MBD5: variants seen among roughly 807,000 people sequenced by gnomAD.
MBD5 encodes methyl-CpG-binding domain protein 5.
In MBD5, 13 loss-of-function variants were observed where a neutral mutation model predicts 117.3. The ratio of observed to expected loss-of-function variants is 0.11; its 90% CI spans 0.07 to 0.18. The LOEUF is 0.18. Among genes scored for constraint, MBD5 ranks in the 10% least tolerant of loss-of-function variants. MBD5 has a pLI of 1.00. For missense variants in MBD5, 1,879 were observed against 2,093.8 expected (o/e 0.90, Z 2.00); for synonymous variants, 727 against 766.4 (o/e 0.95, Z 0.85).
rs1694545395 is a variant in MBD5 at position 148,046,719 on chromosome 2, G to GT, written c.-925+25036dup. 5.9e-5 allele frequency among the ~76,000 whole-genome samples: 9 copies of GT among 152,226 alleles called. No homozygotes were observed. In the South Asian group the frequency reaches 1.9e-3, roughly 32 times the overall value. ...TTCATTCCTTGACTAGAGAATGGTA[G>GT]TAAGTAATCTCCTTAGCTAATTAAT... On this transcript the variant is annotated intron_variant, in intron 1 of 13. Transcript: ENST00000642680.
chr2:148,315,650 A>G (rs1702140718), intron 3 of MBD5, among the ~76,000 whole-genome samples: 1 of 152,018 alleles, frequency 6.6e-6, no homozygotes, highest in Admixed American at 6.6e-5. Context: ...CATCTTATAT[A>G]TTGCTGTTTC....
chr2:148,487,448 G>A lies in MBD5; in HGVS notation c.3753+1498G>A, dbSNP rs191575402. Among the ~76,000 whole-genome samples, 344 of 152,258 alleles carry A rather than the reference G, an allele frequency of 2.3e-3. 1 individual carries two copies. Among genetic ancestry groups the A allele is most frequent in the African/African-American group, 7.9e-3 (328 of 41,552 alleles). ...TTAGGGTAAGAAACTGAGTTTCAGCGAGAAGTAATGATGAAGAAAACTTGT... is the reference window on the plus strand; with the variant it reads ...TTAGGGTAAGAAACTGAGTTTCAGCAAGAAGTAATGATGAAGAAAACTTGT... On this transcript the variant is annotated intron_variant, in intron 10 of 13. Coordinates refer to ENST00000642680, the MANE Select transcript of MBD5 (RefSeq NM_001378120.1).
intron 13 of MBD5, 36 bp from the exon 14 acceptor site, chr2:148,512,834 G>A (rs902242494): frequency 2.7e-5 from 43 of 1,568,620 alleles, no homozygotes; most frequent in Non-Finnish European, 3.4e-5. Context: ...TTCATCCTCT[G>A]TTGTTGTTGT....
At chr2:148,323,249 T>C (rs1702339922) in intron 3 of MBD5, among the ~76,000 whole-genome samples, 1 of 152,228 alleles carries the variant, frequency 6.6e-6, no homozygotes, top group African/African-American at 2.4e-5. Flanking sequence ...CTATGATTGT[T>C]GGACATTTGG....
chr2:148,398,214 C>T (rs948925826), intron 4 of MBD5, among the ~76,000 whole-genome samples: 2 of 152,128 alleles, frequency 1.3e-5, no homozygotes, highest in East Asian at 1.9e-4. Flanking sequence ...TTCTAGATCC[C>T]TGAGGAATCG....
intron 2 of MBD5, among the ~76,000 whole-genome samples, chr2:148,203,738 C>G (rs1413072357): frequency 6.6e-6 from 1 of 152,162 alleles, no homozygotes; most frequent in Non-Finnish European, 1.5e-5. Context: ...TTCTCTAAAG[C>G]TGAGTCTAGC....
In MBD5 at chr2:148,505,404, C is replaced by G. The variant is rs73003526; in HGVS notation, c.5036+2895C>G. Among the ~76,000 whole-genome samples the G allele has an allele frequency of 5.7e-3, 861 of 152,200 alleles. 6 individuals are homozygous for G. Among genetic ancestry groups the G allele is most frequent in the African/African-American group, 0.019 (809 of 41,522 alleles). ...GAAGAATAGTAGGCTAAGGATTGAA[C>G]ATGCAATAGAATGAAGAAGATGGGA... is the stretch of plus-strand genomic sequence containing the variant. On this transcript the variant is annotated intron_variant, in intron 12 of 13. Transcript: ENST00000642680.
At chr2:148,126,200 G>A (rs986597579) in intron 1 of MBD5, among the ~76,000 whole-genome samples, 17 of 151,374 alleles carry the variant, frequency 1.1e-4, no homozygotes, top group African/African-American at 3.4e-4. Flanking sequence ...GTTTGAGACC[G>A]GCCTGGCCAA....
chr2:148,247,290 C>G (rs761646483), intron 3 of MBD5, among the ~76,000 whole-genome samples: 6 of 152,122 alleles, frequency 3.9e-5, no homozygotes, highest in Non-Finnish European at 8.8e-5. Context: ...AATTTTAGTT[C>G]TTAAAGAGCC....
intron 3 of MBD5, among the ~76,000 whole-genome samples, chr2:148,336,212 C>T (rs1177601150): frequency 6.6e-6 from 1 of 152,154 alleles, no homozygotes; most frequent in Non-Finnish European, 1.5e-5. Flanking sequence ...ATCTGTAAAA[C>T]ATTGTTTGCC....
chr2:148,290,973 C>G (rs1268910550), intron 3 of MBD5, among the ~76,000 whole-genome samples: 2 of 152,128 alleles, frequency 1.3e-5, no homozygotes, highest in African/African-American at 2.4e-5. Context: ...ACAGTCCTAC[C>G]AAGAGTGTAT....
chr2:148,240,541 C>A (rs1700195858), intron 3 of MBD5, among the ~76,000 whole-genome samples: 1 of 152,128 alleles, frequency 6.6e-6, no homozygotes, highest in Non-Finnish European at 1.5e-5. Context: ...TGAGCCACTG[C>A]ACCCAACCTC....
chr2:148,241,498 T>C (rs1235687722), intron 3 of MBD5, among the ~76,000 whole-genome samples: 1 of 152,112 alleles, frequency 6.6e-6, no homozygotes, highest in African/African-American at 2.4e-5. Flanking sequence ...CCACTGGGTT[T>C]TTTGGAGTCT....
At chr2:148,234,945 C>A (rs988852745) in intron 3 of MBD5, among the ~76,000 whole-genome samples, 3 of 152,024 alleles carry the variant, frequency 2.0e-5, no homozygotes, top group Non-Finnish European at 4.4e-5. Context: ...TTCTCATAAA[C>A]CATGCTTCCT....
intron 4 of MBD5, among the ~76,000 whole-genome samples, chr2:148,363,400 T>C (rs997940872): frequency 6.1e-4 from 92 of 152,060 alleles, no homozygotes; most frequent in African/African-American, 1.9e-3. Flanking sequence ...GCCCGGCTAA[T>C]TTTTTTGTAT....
chr2:148,470,414 T>C lies in MBD5; in HGVS notation c.2471T>C (p.Ile824Thr), dbSNP rs1286239142. 1 of 1,612,034 alleles carries C rather than the reference T, an allele frequency of 6.2e-7. No homozygotes were observed. Among genetic ancestry groups the C allele is most frequent in the African/African-American group, 1.3e-5 (1 of 74,864 alleles). ...SRISTSSTPVIPNSIVSSYNQ... is the reference protein window; with the variant it reads ...SRISTSSTPVTPNSIVSSYNQ... ...ATTTCAACGTCCTCCACTCCAGTGATACCAAACAGCATTGTTAGCAGCTAT... is the reference window on the plus strand; with the variant it reads ...ATTTCAACGTCCTCCACTCCAGTGACACCAAACAGCATTGTTAGCAGCTAT... Residue 824 changes from isoleucine to threonine, a missense_variant, in exon 8 of 14, where the codon ATA (isoleucine) becomes ACA (threonine). Ile to Thr is a moderately conservative substitution (Grantham distance 89, BLOSUM62 -1). Coordinates refer to ENST00000642680, the MANE Select transcript of MBD5 (RefSeq NM_001378120.1).
chr2:148,067,254 T>TGACCTTTAAATGTGTCTAC (rs1196686865), intron 1 of MBD5, among the ~76,000 whole-genome samples: 9 of 152,222 alleles, frequency 5.9e-5, no homozygotes, highest in Non-Finnish European at 1.3e-4. Context: ...GAAATGTCTA[T>TGACCTTTAAATGTGTCTAC]GATCTTTAAA....
At chr2:148,280,117 T>C (rs899038185) in intron 3 of MBD5, among the ~76,000 whole-genome samples, 1 of 79,884 alleles carries the variant, frequency 1.3e-5, no homozygotes, top group African/African-American at 3.7e-5. Flanking sequence ...TTCTATTCTT[T>C]TAAAAACTAA....
At chr2:148,052,834 G>A (rs1264861319) in intron 1 of MBD5, among the ~76,000 whole-genome samples, 1 of 151,734 alleles carries the variant, frequency 6.6e-6, no homozygotes, top group Non-Finnish European at 1.5e-5. Flanking sequence ...GACTTATCCT[G>A]GAAAATGCTG....
Sources: gnomAD v4.1 joint callset for allele counts (sites outside exome capture counted in the v4.1 genomes callset) on GRCh38, gnomAD v4.1.1 for gene constraint, MANE v1.5 for transcripts, NCBI Gene and HGNC (gene_info 2026-07-23, HGNC 2026-07-21) for gene names.